Variants in TCERG1L observed in about 807,000 individuals in gnomAD.
TCERG1L encodes the protein transcription elongation regulator 1 like.
In TCERG1L, 37 loss-of-function variants were observed where a neutral mutation model predicts 56.3. That is an observed-to-expected ratio of 0.66 (90% CI 0.51 to 0.87). The LOEUF is 0.87. Ranked by LOEUF, TCERG1L falls within the 40% of genes least tolerant of loss-of-function variation. TCERG1L has a pLI of 0.00. For synonymous variants in TCERG1L, 324 were observed against 326.3 expected (o/e 0.99, Z 0.08); for missense variants, 799 against 774.2 (o/e 1.03, Z -0.38).
chr10:131,163,699 C>T (rs1846001526), intron 5 of TCERG1L, among the ~76,000 whole-genome samples: 1 of 152,186 alleles, frequency 6.6e-6, no homozygotes, highest in Non-Finnish European at 1.5e-5. Flanking sequence ...GACTCTGCCA[C>T]ATAGAGTCTA....
chr10:131,296,739 C>T (rs1331855873), intron 3 of TCERG1L, among the ~76,000 whole-genome samples: 1 of 152,166 alleles, frequency 6.6e-6, no homozygotes, highest in Non-Finnish European at 1.5e-5. Context: ...TTGAGCCTTC[C>T]AGTCTATCCC....
At chr10:131,096,125 A>T (rs1265674605) in intron 11 of TCERG1L, among the ~76,000 whole-genome samples, 1 of 152,030 alleles carries the variant, frequency 6.6e-6, no homozygotes, top group Non-Finnish European at 1.5e-5. Flanking sequence ...TCACTTTCTG[A>T]GGTGTGTGTG....
intron 4 of TCERG1L, among the ~76,000 whole-genome samples, chr10:131,257,967 T>C (rs1475432059): frequency 6.6e-6 from 1 of 152,244 alleles, no homozygotes; most frequent in Non-Finnish European, 1.5e-5. Context: ...CACATCCTTT[T>C]ATAAAATCAG....
intron 6 of TCERG1L, chr10:131,162,575 C>T (rs1009373451): frequency 2.0e-5 from 3 of 152,270 alleles, no homozygotes; most frequent in Admixed American, 1.3e-4. Flanking sequence ...ACTGCACTCT[C>T]ATCTTCAGGC....
At position 131,113,267 on chromosome 10, in the gene TCERG1L, G is replaced by A. The variant is rs954666362; in HGVS notation, c.1395+3532C>T. ...ATAATCCCATTCCAGAAATTAGAGC[G>A]GGCAGTGCCAACTCCCCAAAGGCAC... On this transcript the variant is annotated intron_variant, in intron 9 of 11. Coordinates refer to ENST00000368642, the MANE Select transcript of TCERG1L (RefSeq NM_174937.4). Among the ~76,000 whole-genome samples, 9 of 142,328 alleles carry A rather than the reference G, an allele frequency of 6.3e-5. 1 individual carries two copies. Among genetic ancestry groups the A allele is most frequent in the African/African-American group, 9.9e-5 (4 of 40,454 alleles). The allele number at this position is 142,328 out of a possible 152,430, so 93.4% of individuals were successfully genotyped here. A position where few individuals can be genotyped will look rare whatever the true frequency, so the allele number is the denominator to read the frequency against.
At chr10:131,093,752 G>C (rs144953828) in intron 11 of TCERG1L, among the ~76,000 whole-genome samples, 154 of 152,234 alleles carry the variant, frequency 1.0e-3, no homozygotes, top group African/African-American at 3.4e-3. Flanking sequence ...CCCCCAGTTA[G>C]AGCTGCTCGT....
intron 4 of TCERG1L, among the ~76,000 whole-genome samples, chr10:131,189,409 A>G (rs1845281859): frequency 6.6e-6 from 1 of 152,196 alleles, no homozygotes; most frequent in South Asian, 2.1e-4. Context: ...TAGCTTCCAC[A>G]TTGAGTGAGA....
chr10:131,205,070 G>A (rs771828728), intron 4 of TCERG1L, among the ~76,000 whole-genome samples: 2 of 152,182 alleles, frequency 1.3e-5, no homozygotes, highest in Non-Finnish European at 2.9e-5. Context: ...AGACCAAGCG[G>A]CCCATGGCAT....
intron 4 of TCERG1L, among the ~76,000 whole-genome samples, chr10:131,171,894 AAG>A (rs1489677178): frequency 3.9e-5 from 6 of 152,216 alleles, no homozygotes; most frequent in Admixed American, 1.3e-4. Flanking sequence ...TAACATTCAA[AAG>A]AGTTTGTTTC....
At chr10:131,172,613 C>A (rs2996080) in intron 4 of TCERG1L, among the ~76,000 whole-genome samples, 1 of 152,164 alleles carries the variant, frequency 6.6e-6, no homozygotes, top group Admixed American at 6.5e-5. Flanking sequence ...TGGCTCCGCT[C>A]GCAGCTGGGA....
At chr10:131,200,681 G>A (rs903891849) in intron 4 of TCERG1L, among the ~76,000 whole-genome samples, 7 of 152,190 alleles carry the variant, frequency 4.6e-5, no homozygotes, top group African/African-American at 1.7e-4. Flanking sequence ...CTTTTGAGTT[G>A]ATGCTAGAAC....
intron 3 of TCERG1L, among the ~76,000 whole-genome samples, chr10:131,282,067 C>T (rs955546720): frequency 3.5e-5 from 5 of 142,946 alleles, no homozygotes; most frequent in Non-Finnish European, 7.5e-5. Context: ...ACCCGGGAAG[C>T]GGAGCTTGCA....
rs931242718 is a variant in TCERG1L, at chr10:131,267,048, G to A, written c.671-6604C>T. Among the ~76,000 whole-genome samples the A allele has an allele frequency of 6.6e-6, 1 of 152,016 alleles. No homozygotes were observed. Among genetic ancestry groups the A allele is most frequent in the Non-Finnish European group, 1.5e-5 (1 of 67,976 alleles). ...CCTTCAGGTCCTCCCTGGCCTGAAG[G>A]TGCATCCTCATCTGGAACCCACTCC... On this transcript the variant is annotated intron_variant, in intron 3 of 11. Transcript: ENST00000368642. The surrounding 1 kb of genome is among the most constrained non-coding windows in gnomAD (Gnocchi z 4.9).
chr10:131,120,549 C>G (rs1845502130), intron 8 of TCERG1L, among the ~76,000 whole-genome samples: 1 of 152,234 alleles, frequency 6.6e-6, no homozygotes, highest in Non-Finnish European at 1.5e-5. Flanking sequence ...TGGCTCCAGG[C>G]TAGAGGAATG....
chr10:131,167,297 G>A (rs2133436498), intron 4 of TCERG1L, among the ~76,000 whole-genome samples: 1 of 152,316 alleles, frequency 6.6e-6, no homozygotes. Context: ...CCAGGGTGAG[G>A]CTGTGACAAC....
intron 8 of TCERG1L, among the ~76,000 whole-genome samples, chr10:131,133,457 G>A (rs1361195633): frequency 4.6e-5 from 7 of 152,158 alleles, no homozygotes; most frequent in Admixed American, 3.3e-4. Flanking sequence ...CAGGATGAAC[G>A]CACCTGTGGG....
intron 4 of TCERG1L, among the ~76,000 whole-genome samples, chr10:131,238,181 G>C (rs1376474357): frequency 6.6e-6 from 1 of 152,068 alleles, no homozygotes; most frequent in Non-Finnish European, 1.5e-5. Context: ...CCACAGACCT[G>C]GGTCCGCTCC....
chr10:131,129,991 T>C (rs1845600764), intron 8 of TCERG1L, among the ~76,000 whole-genome samples: 1 of 151,638 alleles, frequency 6.6e-6, no homozygotes. Flanking sequence ...TGCAGGAAAC[T>C]GCCCCCATGA....
intron 4 of TCERG1L, among the ~76,000 whole-genome samples, chr10:131,194,224 T>C (rs959712342): frequency 2.0e-5 from 3 of 152,266 alleles, no homozygotes; most frequent in African/African-American, 7.2e-5. Context: ...TGCCAGGCAC[T>C]GTTCTTGGCG....
Sources: gnomAD v4.1 joint callset for allele counts (sites outside exome capture counted in the v4.1 genomes callset) on GRCh38, gnomAD v4.1.1 for gene constraint, Gnocchi (gnomAD v3.1) non-coding constraint, MANE v1.5 for transcripts, NCBI Gene and HGNC (gene_info 2026-07-23, HGNC 2026-07-21) for gene names.